ADAMTSL1: variants seen among roughly 807,000 people sequenced by gnomAD.
ADAMTSL1 encodes the protein ADAMTS-like protein 1.
ADAMTSL1 carries 126 observed loss-of-function variants against 201.8 expected under a neutral mutation model. The ratio of observed to expected loss-of-function variants is 0.62; its 90% confidence interval spans 0.54 to 0.72. The LOEUF is 0.72. Ranked by LOEUF, ADAMTSL1 falls within the 30% of genes least tolerant of loss-of-function variation. ADAMTSL1 has a pLI of 0.00. For missense variants in ADAMTSL1, 2,679 were observed against 2,277.8 expected (o/e 1.18, Z -3.59); for synonymous variants, 1,121 against 903.4 (o/e 1.24, Z -4.32).
At chr9:18,072,507 T>G (rs961077706) in intron 1 of ADAMTSL1, among the ~76,000 whole-genome samples, 8 of 152,340 alleles carry the variant, frequency 5.3e-5, no homozygotes, top group Non-Finnish European at 7.4e-5. Flanking sequence ...GTATACTATG[T>G]GAACTGTGTG....
chr9:18,495,494 C>A (rs977624560), intron 1 of ADAMTSL1, among the ~76,000 whole-genome samples: 6 of 152,188 alleles, frequency 3.9e-5, no homozygotes, highest in African/African-American at 1.4e-4. Context: ...AGCTAAGAGA[C>A]TAGGTTGGTT....
At chr9:18,484,975 T>G (rs1821912590) in intron 1 of ADAMTSL1, among the ~76,000 whole-genome samples, 1 of 152,198 alleles carries the variant, frequency 6.6e-6, no homozygotes, top group Non-Finnish European at 1.5e-5. Context: ...CTCACCATAG[T>G]TTCATCAATG....
At chr9:18,086,143 A>C (rs1823761485) in intron 1 of ADAMTSL1, among the ~76,000 whole-genome samples, 1 of 152,062 alleles carries the variant, frequency 6.6e-6, no homozygotes, top group Admixed American at 6.6e-5. Context: ...GATTTTTGAC[A>C]TGTTATGTTT....
At chr9:18,075,879 C>T (rs964424832) in intron 1 of ADAMTSL1, among the ~76,000 whole-genome samples, 2 of 152,172 alleles carry the variant, frequency 1.3e-5, no homozygotes, top group Non-Finnish European at 2.9e-5. Flanking sequence ...ATTTATTGAT[C>T]AAGCTGTTAA....
intron 2 of ADAMTSL1, among the ~76,000 whole-genome samples, chr9:18,355,550 C>A (rs957894542): frequency 6.6e-6 from 1 of 152,146 alleles, no homozygotes; most frequent in Admixed American, 6.6e-5. Context: ...TAATGAAAGA[C>A]ATTGATAAAA....
At chr9:18,306,968 G>A (rs2132763097) in intron 2 of ADAMTSL1, among the ~76,000 whole-genome samples, 1 of 152,296 alleles carries the variant, frequency 6.6e-6, no homozygotes, top group South Asian at 2.1e-4. Flanking sequence ...CCCACAAAGG[G>A]AAGCCCACCA....
chr9:18,904,633 C>CAAAAA lies in ADAMTSL1; in HGVS notation c.4852-1114_4852-1110dup, dbSNP rs71333072. 2.0e-3 allele frequency among the ~76,000 whole-genome samples: 30 copies of CAAAAA among 15,008 alleles called. 7 individuals are homozygous for CAAAAA. Among genetic ancestry groups the CAAAAA allele is most frequent in the Admixed American group, 3.6e-3 (2 of 548 alleles). The allele number at this position is 15,008 out of a possible 152,430, so 9.8% of individuals were successfully genotyped here. On this transcript the variant is annotated intron_variant, in intron 26 of 28. Transcript: ENST00000380548. ...TGGGCAACAGAAAGAGACCCTGCCT[C>CAAAAA]AAAAAAAAAAAAAAAAAAAAAAAAA...
At chr9:18,563,637 G>A (rs1293916696) in intron 3 of ADAMTSL1, among the ~76,000 whole-genome samples, 1 of 152,240 alleles carries the variant, frequency 6.6e-6, no homozygotes, top group Non-Finnish European at 1.5e-5. Context: ...CAGGTGCTCT[G>A]TCCCAGGGAG....
intron 2 of ADAMTSL1, among the ~76,000 whole-genome samples, chr9:18,283,770 G>C (rs1832882897): frequency 6.7e-6 from 1 of 150,140 alleles, no homozygotes; most frequent in African/African-American, 2.5e-5. Context: ...AAATTAGCCA[G>C]GCATGGTGGC....
intron 2 of ADAMTSL1, among the ~76,000 whole-genome samples, chr9:18,351,663 C>G (rs1434648620): frequency 6.6e-6 from 1 of 152,202 alleles, no homozygotes; most frequent in East Asian, 1.9e-4. Context: ...ACTTGACCTT[C>G]TAATATCTGC....
chr9:18,248,999 G>T (rs923911335), intron 2 of ADAMTSL1, among the ~76,000 whole-genome samples: 1 of 152,148 alleles, frequency 6.6e-6, no homozygotes, highest in Non-Finnish European at 1.5e-5. Context: ...TGAGTTTTTG[G>T]ATAGATTTGC....
At chr9:18,364,838 G>A (rs778261522) in intron 2 of ADAMTSL1, among the ~76,000 whole-genome samples, 32 of 152,072 alleles carry the variant, frequency 2.1e-4, no homozygotes, top group Non-Finnish European at 4.3e-4. Flanking sequence ...GAGGGAGAGA[G>A]GGAGTGGGGA....
intron 2 of ADAMTSL1, among the ~76,000 whole-genome samples, chr9:18,277,344 A>C (rs1328762907): frequency 6.6e-6 from 1 of 152,158 alleles, no homozygotes; most frequent in African/African-American, 2.4e-5. Flanking sequence ...TGCCATGTTA[A>C]AGTCCCCTAT....
intron 1 of ADAMTSL1, among the ~76,000 whole-genome samples, chr9:17,966,574 T>A (rs949478330): frequency 6.6e-6 from 1 of 152,172 alleles, no homozygotes; most frequent in Non-Finnish European, 1.5e-5. Flanking sequence ...AGAATGTGCA[T>A]CCAGTGATAA....
chr9:18,303,841 C>T (rs1281194367), intron 2 of ADAMTSL1, among the ~76,000 whole-genome samples: 2 of 152,062 alleles, frequency 1.3e-5, no homozygotes, highest in African/African-American at 4.8e-5. Flanking sequence ...TTGACCTGGG[C>T]TTGGAATATC....
At chr9:18,018,374 A>G (rs1329928) in intron 1 of ADAMTSL1, among the ~76,000 whole-genome samples, 14,675 of 152,136 alleles carry the variant, frequency 0.096, 1,637 homozygotes, top group African/African-American at 0.26. Context: ...TCTGGCATTC[A>G]TGCCCTTCTG....
At chr9:17,977,252 C>T (rs980994026) in intron 1 of ADAMTSL1, among the ~76,000 whole-genome samples, 2 of 151,898 alleles carry the variant, frequency 1.3e-5, no homozygotes, top group Non-Finnish European at 2.9e-5. Context: ...ATTTTTATGT[C>T]TATGTTCATC....
chr9:18,457,940 A>C (rs188846163), intron 2 of ADAMTSL1, among the ~76,000 whole-genome samples: 161 of 152,292 alleles, frequency 1.1e-3, no homozygotes, highest in African/African-American at 3.7e-3. Flanking sequence ...TCCATCAAGC[A>C]CTGAATAGGG....
chr9:18,777,030 T>TA lies in ADAMTSL1; in HGVS notation c.2801_2802insA (p.His935ProfsTer25). 1 of 1,609,382 alleles carries TA rather than the reference T, an allele frequency of 6.2e-7. No homozygotes were observed. The highest frequency in any genetic ancestry group is 8.5e-7 in the Non-Finnish European group (1 of 1,177,060). ...GTGGCCCCCTTCGGCTATCTCAAGA[T>TA]CCACCGCCTCAAGCCCTCGGATGCA... On this transcript the variant is annotated frameshift_variant, in exon 19 of 29. Coordinates refer to ENST00000380548, the MANE Select transcript of ADAMTSL1 (RefSeq NM_001040272.6). LOFTEE classifies it high-confidence loss of function.
Sources: allele counts gnomAD v4.1 joint callset (sites outside exome capture counted in the v4.1 genomes callset), GRCh38; gene constraint gnomAD v4.1.1; transcripts MANE v1.5; gene names NCBI Gene and HGNC (gene_info 2026-07-23, HGNC 2026-07-21).